LRRTM4: variants seen among roughly 807,000 people sequenced by gnomAD.
The protein encoded by LRRTM4 is leucine rich repeat transmembrane neuronal 4.
In LRRTM4, 25 loss-of-function variants were observed where a neutral mutation model predicts 47.6. The ratio of observed to expected loss-of-function variants is 0.53; its 90% confidence interval spans 0.38 to 0.73. The LOEUF (loss-of-function observed/expected upper bound fraction) is 0.73. Among genes scored for constraint, LRRTM4 ranks in the 30% least tolerant of loss-of-function variants. LRRTM4 has a pLI of 0.00. For missense variants in LRRTM4, 638 were observed against 713.4 expected (o/e 0.89, Z 1.20); for synonymous variants, 311 against 269.5 (o/e 1.15, Z -1.51).
chr2:77,359,643 T>G (rs916876524), intron 3 of LRRTM4, among the ~76,000 whole-genome samples: 1 of 152,220 alleles, frequency 6.6e-6, no homozygotes, highest in Non-Finnish European at 1.5e-5. Flanking sequence ...TGTTGCACAG[T>G]AGGAAAAGCT....
chr2:77,348,848 T>G (rs1015498732), intron 3 of LRRTM4, among the ~76,000 whole-genome samples: 4 of 151,186 alleles, frequency 2.6e-5, no homozygotes, highest in Non-Finnish European at 4.4e-5. Flanking sequence ...TGGTTAGATA[T>G]AAAAAAAACT....
At chr2:77,089,761 C>T (rs1680867346) in intron 3 of LRRTM4, among the ~76,000 whole-genome samples, 1 of 152,122 alleles carries the variant, frequency 6.6e-6, no homozygotes. Flanking sequence ...TGCCGCTTGA[C>T]CCCAATACAA....
At chr2:76,965,215 C>T (rs1303313316) in intron 3 of LRRTM4, among the ~76,000 whole-genome samples, 3 of 151,082 alleles carry the variant, frequency 2.0e-5, no homozygotes, top group African/African-American at 7.2e-5. Flanking sequence ...ATTACCCTAC[C>T]AGCAAAAACA....
At chr2:77,062,625 G>A (rs1209217747) in intron 3 of LRRTM4, among the ~76,000 whole-genome samples, 1 of 152,106 alleles carries the variant, frequency 6.6e-6, no homozygotes, top group Non-Finnish European at 1.5e-5. Context: ...TAGAATAGAG[G>A]AGGAGAGGCA....
chr2:77,090,501 T>C (rs1670577384), intron 3 of LRRTM4, among the ~76,000 whole-genome samples: 1 of 152,098 alleles, frequency 6.6e-6, no homozygotes, highest in Admixed American at 6.6e-5. Flanking sequence ...AACCTCGCCT[T>C]CAAGGTGTGC....
rs140649636 is a variant in LRRTM4, at chr2:77,467,918, T to G, written c.1551+50400A>C. 1.9e-3 allele frequency among the ~76,000 whole-genome samples: 292 copies of G among 152,330 alleles called. 3 individuals carry two copies. The highest frequency in any genetic ancestry group is 6.8e-3 in the African/African-American group (281 of 41,580). ...AAGGTTATTTATTGATTTGTCTTTTTTCCCCTAGTACTGTTTACTTTTGAG... is the reference window on the plus strand; with the variant it reads ...AAGGTTATTTATTGATTTGTCTTTTGTCCCCTAGTACTGTTTACTTTTGAG... On this transcript the variant is annotated intron_variant, in intron 3 of 3. Transcript: ENST00000409884.
chr2:77,473,021 A>C (rs1231721557), intron 3 of LRRTM4, among the ~76,000 whole-genome samples: 1 of 152,160 alleles, frequency 6.6e-6, no homozygotes, highest in Non-Finnish European at 1.5e-5. Context: ...ATACATACAA[A>C]AATTAAACCT....
chr2:77,108,855 A>T (rs1461216863), intron 3 of LRRTM4, among the ~76,000 whole-genome samples: 3 of 152,130 alleles, frequency 2.0e-5, no homozygotes, highest in East Asian at 1.9e-4. Context: ...AGTGACAAAC[A>T]TTCTTTATAC....
intron 3 of LRRTM4, among the ~76,000 whole-genome samples, chr2:77,331,235 G>A (rs1056489178): frequency 1.3e-5 from 2 of 152,036 alleles, no homozygotes; most frequent in African/African-American, 2.4e-5. Context: ...TATGACAGAT[G>A]TATATTCTTT....
At chr2:77,025,342 T>C (rs1287923426) in intron 3 of LRRTM4, among the ~76,000 whole-genome samples, 1 of 152,212 alleles carries the variant, frequency 6.6e-6, no homozygotes, top group Non-Finnish European at 1.5e-5. Flanking sequence ...CCTACTTGAA[T>C]AGTACTAGGT....
intron 3 of LRRTM4, among the ~76,000 whole-genome samples, chr2:76,830,027 G>A (rs980268171): frequency 1.3e-5 from 2 of 151,770 alleles, no homozygotes; most frequent in African/African-American, 4.8e-5. Context: ...CTACCAACAG[G>A]GTGTATTACA....
chr2:77,352,580 A>G (rs1360152054), intron 3 of LRRTM4, among the ~76,000 whole-genome samples: 1 of 152,078 alleles, frequency 6.6e-6, no homozygotes. Flanking sequence ...TTGAGGAGAG[A>G]CCAAGTTTGT....
At chr2:77,347,172 T>G (rs1044207737) in intron 3 of LRRTM4, among the ~76,000 whole-genome samples, 3 of 152,184 alleles carry the variant, frequency 2.0e-5, no homozygotes, top group African/African-American at 4.8e-5. Context: ...TGGCTAAACC[T>G]TAAAGCGATA....
intron 3 of LRRTM4, among the ~76,000 whole-genome samples, chr2:76,972,139 T>C (rs1214117566): frequency 6.6e-6 from 1 of 152,008 alleles, no homozygotes; most frequent in Non-Finnish European, 1.5e-5. Flanking sequence ...CTCCACAGAA[T>C]AGTTTGTCTT....
intron 3 of LRRTM4, among the ~76,000 whole-genome samples, chr2:76,914,268 T>A (rs1160258317): frequency 6.6e-6 from 1 of 152,074 alleles, no homozygotes; most frequent in Non-Finnish European, 1.5e-5. Context: ...ATTTAATATA[T>A]TTTATAACTA....
chr2:77,102,038 T>C (rs1473864020), intron 3 of LRRTM4, among the ~76,000 whole-genome samples: 1 of 152,240 alleles, frequency 6.6e-6, no homozygotes, highest in African/African-American at 2.4e-5. Context: ...ACTTTCTTCC[T>C]GTTTCCCAGT....
chr2:76,795,854 A>G (rs1193042972), intron 3 of LRRTM4, among the ~76,000 whole-genome samples: 3 of 152,058 alleles, frequency 2.0e-5, no homozygotes, highest in Admixed American at 1.3e-4. Context: ...TACAGCTCCC[A>G]GCGTGAGCGA....
intron 3 of LRRTM4, among the ~76,000 whole-genome samples, chr2:77,400,401 C>T (rs940131624): frequency 1.3e-5 from 2 of 151,802 alleles, no homozygotes; most frequent in Non-Finnish European, 2.9e-5. Flanking sequence ...CATCTCACAG[C>T]TCATATATCA....
intron 3 of LRRTM4, among the ~76,000 whole-genome samples, chr2:76,974,632 T>C (rs1235020386): frequency 1.3e-5 from 2 of 151,632 alleles, no homozygotes; most frequent in African/African-American, 4.8e-5. Context: ...AAGTGGAATT[T>C]CATATCACTA....
Sources: gnomAD v4.1 joint callset for allele counts (sites outside exome capture counted in the v4.1 genomes callset) on GRCh38, gnomAD v4.1.1 for gene constraint, MANE v1.5 for transcripts, NCBI Gene and HGNC (gene_info 2026-07-23, HGNC 2026-07-21) for gene names.